The following ZNF253 variants were observed in gnomAD, a reference collection of about 807,000 sequenced individuals.
The protein encoded by ZNF253 is zinc finger protein 253.
Under a neutral mutation model 11.9 loss-of-function variants are expected in ZNF253, and 8 were observed. The observed-to-expected ratio is 0.67, with a 90% confidence interval of 0.40 to 1.22. ZNF253 has a LOEUF of 1.22. Among genes scored for constraint, ZNF253 ranks in the 50% most tolerant of loss-of-function variants. The pLI is 0.01. For missense variants in ZNF253, 485 were observed against 586.9 expected (o/e 0.83, Z 1.79); for synonymous variants, 194 against 194.9 (o/e 1.00, Z 0.04).
chr19:19,873,415 G>GC (rs1163988327), intron 1 of ZNF253, among the ~76,000 whole-genome samples: 1 of 152,130 alleles, frequency 6.6e-6, no homozygotes, highest in Non-Finnish European at 1.5e-5. Flanking sequence ...TGGGCCATCA[G>GC]CCCTGGGACA....
intron 1 of ZNF253, among the ~76,000 whole-genome samples, chr19:19,874,199 C>T (rs1329827986): frequency 2.0e-5 from 3 of 151,980 alleles, no homozygotes; most frequent in East Asian, 1.9e-4. Flanking sequence ...CAGGAGCCAC[C>T]GCGCCCAGCC....
At chr19:19,872,708 C>G (rs1203355578) in intron 1 of ZNF253, among the ~76,000 whole-genome samples, 1 of 151,542 alleles carries the variant, frequency 6.6e-6, no homozygotes, top group African/African-American at 2.4e-5. Context: ...TGCTGCTAAT[C>G]AAAGTGTAGA....
rs1237389484 is a variant in ZNF253, at chr19:19,885,361, T to C, written c.226+5215T>C. On this transcript the variant is annotated intron_variant, in intron 3 of 3. Coordinates refer to ENST00000589717, the MANE Select transcript of ZNF253 (RefSeq NM_021047.3). ...TTCTTTCTTTCTTTCTTTCTTCCTT[T>C]CTTTTCTTTCTTTTCTTTCTTTTCT... 7.7e-5 allele frequency among the ~76,000 whole-genome samples: 5 copies of C among 64,892 alleles called. 1 individual carries two copies. The highest frequency in any genetic ancestry group is 1.5e-3 in the East Asian group (2 of 1,326). The allele number at this position is 64,892 out of a possible 152,430, so 42.6% of individuals were successfully genotyped here.
intron 3 of ZNF253, among the ~76,000 whole-genome samples, chr19:19,883,615 C>G (rs1433591096): frequency 6.6e-6 from 1 of 152,146 alleles, no homozygotes; most frequent in Non-Finnish European, 1.5e-5. Context: ...AGTATATTCA[C>G]ACTGTTATGC....
At position 19,871,218 on chromosome 19, in the gene ZNF253, A is replaced by G. The variant is rs558830860; in HGVS notation, c.3+5219A>G. 1.9e-4 allele frequency: 29 copies of G among 152,620 alleles called. 1 individual carries two copies. The highest frequency in any genetic ancestry group is 6.5e-4 in the African/African-American group (27 of 41,508). The allele number at this position is 152,620 out of a possible 1,614,324, so 9.5% of individuals were successfully genotyped here. A position where few individuals can be genotyped will look rare whatever the true frequency, so the allele number is the denominator to read the frequency against. ...AAACTGAGGCTGAAACACTGCTCACATTCCCATGATTGTGAAGGTGCAATT... is the reference window on the plus strand; with the variant it reads ...AAACTGAGGCTGAAACACTGCTCACGTTCCCATGATTGTGAAGGTGCAATT... On this transcript the variant is annotated intron_variant, in intron 1 of 3. Coordinates refer to ENST00000589717, the MANE Select transcript of ZNF253 (RefSeq NM_021047.3).
In ZNF253 at chr19:19,893,538, G is replaced by GT. The variant is rs1421364841; in HGVS notation, c.*792dup. On this transcript the variant is annotated 3_prime_UTR_variant, in exon 4 of 4. Transcript: ENST00000589717. ...TAGAAGTCATACTGCCAAAACTCCTGTAAGTGTGAAGAATGTGGCAAAATA... is the reference window on the plus strand; with the variant it reads ...TAGAAGTCATACTGCCAAAACTCCTGTTAAGTGTGAAGAATGTGGCAAAATA... 11 of 152,044 alleles carry GT rather than the reference G, an allele frequency of 7.2e-5. No individual in the cohort carries two copies. Among genetic ancestry groups the GT allele is most frequent in the African/African-American group, 2.7e-4 (11 of 41,376 alleles). The allele number at this position is 152,044 out of a possible 1,614,324, so 9.4% of individuals were successfully genotyped here.
chr19:19,870,458 A>G (rs1395799193), intron 1 of ZNF253, among the ~76,000 whole-genome samples: 1 of 151,922 alleles, frequency 6.6e-6, no homozygotes, highest in Non-Finnish European at 1.5e-5. Flanking sequence ...TTAGATATTT[A>G]TATCTAATGT....
chr19:19,879,543 C>T (rs73528999), intron 2 of ZNF253, among the ~76,000 whole-genome samples: 11,511 of 152,170 alleles, frequency 0.076, 903 homozygotes, highest in African/African-American at 0.2. Flanking sequence ...CTACCTCATA[C>T]ATTACTTAGT....
At chr19:19,886,251 C>T (rs2063206107) in intron 3 of ZNF253, among the ~76,000 whole-genome samples, 1 of 152,074 alleles carries the variant, frequency 6.6e-6, no homozygotes, top group Non-Finnish European at 1.5e-5. Context: ...TCTTGGTCTC[C>T]TAAAATGTTA....
At position 19,889,477 on chromosome 19, in the gene ZNF253, C is replaced by T. The variant is rs972891288; in HGVS notation, c.227-1997C>T. Among the ~76,000 whole-genome samples the T allele has an allele frequency of 1.3e-5, 2 of 152,102 alleles. 1 individual carries two copies. Among genetic ancestry groups the T allele is most frequent in the Admixed American group, 1.3e-4 (2 of 15,260 alleles). On this transcript the variant is annotated intron_variant, in intron 3 of 3. Transcript: ENST00000589717. ...GTCTCCTGCCTCAGCCTCCCAGTAG[C>T]TGGGATTACAGGTGCATGCTGCCAC...
Position 19,892,399 on chromosome 19 carries a change from T to A in ZNF253, c.1152T>A (p.Phe384Leu). The A allele has an allele frequency of 6.2e-7, 1 of 1,614,008 alleles. No homozygotes were observed. Among genetic ancestry groups the A allele is most frequent in the Non-Finnish European group, 8.5e-7 (1 of 1,179,998 alleles). ...CTTTTAACCATTCCACAACCCTTTT[T>A]TCACATGAGAAAATTCATACTGGAG... The part of the protein sequence containing the change: ...GKAFNHSTTL[F>L]SHEKIHTGEK... Residue 384 changes from phenylalanine to leucine, a missense_variant, in exon 4 of 4, where the codon TTT becomes TTA. This residue lies in a region of ZNF253 where 232 missense variants were observed against 321.4 expected (regional missense o/e 0.72). Coordinates refer to ENST00000589717, the MANE Select transcript of ZNF253 (RefSeq NM_021047.3).
At chr19:19,879,372 A>AC (rs1185089508) in intron 2 of ZNF253, among the ~76,000 whole-genome samples, 2 of 152,132 alleles carry the variant, frequency 1.3e-5, no homozygotes, top group Admixed American at 6.5e-5. Flanking sequence ...ATTTCTCTGA[A>AC]CCCCCACCTT....
chr19:19,874,481 G>A lies in ZNF253; in HGVS notation c.4-4000G>A, dbSNP rs370857525. Reference sequence around the variant, plus strand: ...GGAGGTTGCAGTGAGCCAAGATCATGCCAGTGCGCTCCAGCCTGGGCGACA... The same window carrying A: ...GGAGGTTGCAGTGAGCCAAGATCATACCAGTGCGCTCCAGCCTGGGCGACA... On this transcript the variant is annotated intron_variant, in intron 1 of 3. Coordinates refer to ENST00000589717, the MANE Select transcript of ZNF253 (RefSeq NM_021047.3). 8.5e-5 allele frequency among the ~76,000 whole-genome samples: 13 copies of A among 152,198 alleles called. No individual in the cohort carries two copies. The East Asian group carries it at 2.3e-3, about 27-fold the overall frequency.
At chr19:19,882,970 CAA>C (rs35838089) in intron 3 of ZNF253, among the ~76,000 whole-genome samples, 12 of 96,950 alleles carry the variant, frequency 1.2e-4, no homozygotes, top group Admixed American at 2.4e-4. Context: ...GACTCCGTCT[CAA>C]AAAAAAAAAA....
In ZNF253 at chr19:19,892,864, A is replaced by C. The variant is rs944412520; in HGVS notation, c.*117A>C. On this transcript the variant is annotated 3_prime_UTR_variant, in exon 4 of 4. Transcript: ENST00000589717. ...AACACAAACCCTACAAATATAAAGA[A>C]TGTGACAAAGCTTTTTAAGGAAGTT... The C allele has an allele frequency of 2.9e-5, 29 of 995,814 alleles. No homozygotes were observed. The South Asian group carries it at 4.0e-4, about 14-fold the overall frequency. The allele number at this position is 995,814 out of a possible 1,614,324, so 61.7% of individuals were successfully genotyped here.
At chr19:19,875,562 AT>A (rs1356130306) in intron 1 of ZNF253, among the ~76,000 whole-genome samples, 1 of 151,840 alleles carries the variant, frequency 6.6e-6, no homozygotes, top group East Asian at 1.9e-4. Context: ...CGCCCGGCTA[AT>A]TTTTTGTATT....
chr19:19,880,183 A>G (rs780521531), intron 3 of ZNF253, 37 bp downstream of exon 3: 8 of 1,475,416 alleles, frequency 5.4e-6, no homozygotes, highest in Admixed American at 2.0e-5. Flanking sequence ...CAGATGACAC[A>G]GATAAAAGGT....
At chr19:19,871,120 T>A (rs1345774107) in intron 1 of ZNF253, 1 of 152,194 alleles carries the variant, frequency 6.6e-6, no homozygotes, top group Non-Finnish European at 1.5e-5. Flanking sequence ...CAGTGAGAAC[T>A]TTTGGAGCTA....
intron 3 of ZNF253, among the ~76,000 whole-genome samples, chr19:19,885,245 T>C (rs1391616760): frequency 1.5e-5 from 1 of 64,776 alleles, no homozygotes; most frequent in African/African-American, 2.3e-4. Context: ...CTTTCTTTCT[T>C]TCTTTCTTTC....
Sources: gnomAD v4.1 joint callset for allele counts (sites outside exome capture counted in the v4.1 genomes callset) on GRCh38, gnomAD v4.1.1 for gene constraint, gnomAD v4.1.1 regional missense constraint, MANE v1.5 for transcripts, NCBI Gene and HGNC (gene_info 2026-07-23, HGNC 2026-07-21) for gene names.